DNASE1: variants seen among roughly 807,000 people sequenced by gnomAD.
DNASE1 encodes deoxyribonuclease 1.
Under a neutral mutation model 33.9 loss-of-function variants are expected in DNASE1, and 40 were observed. That is an observed-to-expected ratio of 1.18 (90% CI 0.92 to 1.54). DNASE1 has a LOEUF of 1.54. Ranked by LOEUF, DNASE1 falls within the 40% of genes most tolerant of loss-of-function variation. The pLI is 0.00. For synonymous variants in DNASE1, 216 were observed against 160.0 expected (o/e 1.35, Z -2.64); for missense variants, 518 against 372.6 (o/e 1.39, Z -3.21).
At position 3,664,215 on chromosome 16, in the gene DNASE1, G is replaced by A; in HGVS notation, c.*6262G>A. On this transcript the variant is annotated 3_prime_UTR_variant, in exon 10 of 10. Coordinates refer to the DNASE1 transcript ENST00000407479. ...GGTTCACCCAGCACAGAGCTGAGAA[G>A]GTCAAGACCCTCCCCAGGTTGCAGC... 4 of 1,469,402 alleles carry A rather than the reference G, an allele frequency of 2.7e-6. 1 individual carries two copies. Among genetic ancestry groups the A allele is most frequent in the African/African-American group, 2.8e-5 (2 of 70,504 alleles). 91.0% of individuals were successfully genotyped at this position (1,469,402 alleles called of 1,614,324 possible).
At position 3,657,900 on chromosome 16, in the gene DNASE1, C is replaced by T. The variant is rs753832821; in HGVS notation, c.802-6C>T. 6.2e-7 allele frequency: 1 copy of T among 1,614,052 alleles called. No homozygotes were observed. Among genetic ancestry groups the T allele is most frequent in the Non-Finnish European group, 8.5e-7 (1 of 1,180,020 alleles). Reference sequence around the variant, plus strand: ...CAGCCCAGACCCTGTGCCCACTTGCCTGCAGGCCCAAGCCATCAGTGACCA... The same window carrying T: ...CAGCCCAGACCCTGTGCCCACTTGCTTGCAGGCCCAAGCCATCAGTGACCA... On this transcript the variant is annotated splice_region_variant and splice_polypyrimidine_tract_variant and intron_variant, in intron 8 of 8. Coordinates refer to ENST00000246949, the MANE Select transcript of DNASE1 (RefSeq NM_005223.4).
rs745422487 is a variant in DNASE1 at position 3,657,338 on chromosome 16, A to T, written c.701A>T (p.Asp234Val). 6.2e-7 allele frequency: 1 copy of T among 1,613,016 alleles called. No individual in the cohort carries two copies. The highest frequency in any genetic ancestry group is 1.1e-5 in the South Asian group (1 of 91,090). The change falls in exon 7 of 9, where the codon GAC becomes GTC. Residue 234 changes from aspartate to valine, a missense_variant. Asp to Val is a radical substitution (Grantham distance 152). Coordinates refer to ENST00000246949, the MANE Select transcript of DNASE1 (RefSeq NM_005223.4). ...GCTACACCCACGCACTGTGCCTATG[A>T]CAGGTGAGCAGGGCCTCGCGCTTAG... ...TTATPTHCAY[D>V]RIVVAGMLLR...
chr16:3,662,758 G>C (rs752250653), downstream of DNASE1: 1 of 895,104 alleles, frequency 1.1e-6, no homozygotes, highest in African/African-American at 1.6e-5. Flanking sequence ...GTCTCCACCT[G>C]ACACCAAGGG....
chr16:3,629,596 G>A (rs1042226016), intron 1 of DNASE1, among the ~76,000 whole-genome samples: 1 of 152,142 alleles, frequency 6.6e-6, no homozygotes, highest in African/African-American at 2.4e-5. Flanking sequence ...CTGTTAGAAT[G>A]ATTTAGGAAG....
upstream of DNASE1, among the ~76,000 whole-genome samples, chr16:3,638,102 T>TGA (rs1314041767): frequency 7.4e-4 from 93 of 125,474 alleles, no homozygotes; most frequent in Non-Finnish European, 2.1e-4. Context: ...CCAGTTTTTG[T>TGA]GAGTGTGTGT....
exon 10 of DNASE1, chr16:3,663,417 T>G (rs747303544): frequency 6.2e-7 from 1 of 1,614,034 alleles, no homozygotes; most frequent in Non-Finnish European, 8.5e-7. Context: ...GAGCAGGGGA[T>G]GCCGACCTGG....
chr16:3,626,675 A>C (rs2041522747), intron 1 of DNASE1, among the ~76,000 whole-genome samples: 1 of 151,924 alleles, frequency 6.6e-6, no homozygotes, highest in African/African-American at 2.4e-5. Context: ...CAGGTTGCTG[A>C]TTTTCTGTCT....
At chr16:3,647,612 T>G (rs986201573) in intron 1 of DNASE1, among the ~76,000 whole-genome samples, 6 of 152,136 alleles carry the variant, frequency 3.9e-5, no homozygotes, top group Non-Finnish European at 8.8e-5. Context: ...ATTACACATC[T>G]TCGTGTACTC....
chr16:3,644,821 A>G (rs2042125778), intron 1 of DNASE1, among the ~76,000 whole-genome samples: 1 of 152,044 alleles, frequency 6.6e-6, no homozygotes, highest in South Asian at 2.1e-4. Flanking sequence ...GCTCTAGAAG[A>G]AAGGTCAATA....
intron 1 of DNASE1, among the ~76,000 whole-genome samples, chr16:3,648,390 G>C (rs1384543389): frequency 6.6e-6 from 1 of 152,032 alleles, no homozygotes; most frequent in African/African-American, 2.4e-5. Flanking sequence ...GTGAAATCCC[G>C]TCTCTACTAA....
upstream of DNASE1, chr16:3,653,091 TGA>T (rs1446411668): frequency 6.6e-6 from 1 of 152,256 alleles, no homozygotes; most frequent in Non-Finnish European, 1.5e-5. Flanking sequence ...TAAAGGCTGT[TGA>T]GATAAGGACA....
At chr16:3,658,701 G>C, downstream of DNASE1, 19 of 1,204,648 alleles carry the variant, frequency 1.6e-5, no homozygotes, top group Non-Finnish European at 2.2e-5. Context: ...AAAAAGACAG[G>C]ATTTTAGAGG....
chr16:3,632,530 G>A (rs2041730944), intron 1 of DNASE1, among the ~76,000 whole-genome samples: 1 of 151,420 alleles, frequency 6.6e-6, no homozygotes, highest in Non-Finnish European at 1.5e-5. Context: ...TATAGCCACT[G>A]GGACTTTCTT....
intron 1 of DNASE1, 48 bp from the exon 2 acceptor site, chr16:3,655,325 G>C: frequency 6.2e-7 from 1 of 1,611,910 alleles, no homozygotes; most frequent in Non-Finnish European, 8.5e-7. Flanking sequence ...GCTGTGGCAG[G>C]GATGACGTCT....
At chr16:3,635,007 C>G (rs1158544771) in intron 1 of DNASE1, among the ~76,000 whole-genome samples, 1 of 151,920 alleles carries the variant, frequency 6.6e-6, no homozygotes, top group East Asian at 1.9e-4. Context: ...CATTTTGATG[C>G]CAAACTTAGT....
downstream of DNASE1, chr16:3,662,741 C>T: frequency 1.3e-6 from 1 of 784,000 alleles, no homozygotes; most frequent in Admixed American, 2.0e-5. Flanking sequence ...GAGCAGGGAC[C>T]CACAGGGTCT....
chr16:3,664,844 G>C (rs3751843), exon 10 of DNASE1: 9,736 of 198,212 alleles, frequency 0.049, 317 homozygotes, highest in Admixed American at 0.061. Context: ...CACGGTTCCC[G>C]GCCCTCCTCA....
Position 3,663,359 on chromosome 16 carries a change from C to A in DNASE1, c.*5406C>A, listed in dbSNP as rs1412140046. 4 of 1,594,608 alleles carry A rather than the reference C, an allele frequency of 2.5e-6. No homozygotes were observed. The East Asian group carries it at 6.7e-5, about 27-fold the overall frequency. ...GAAAACCCAAAGGAAGCCCTCGCTG[C>A]GGGGCAGGAGAGGCGTGCGGGGAGT... On this transcript the variant is annotated 3_prime_UTR_variant, in exon 10 of 10. Transcript: ENST00000407479.
At chr16:3,642,535 G>GGGCT (rs1169844187), upstream of DNASE1, among the ~76,000 whole-genome samples, 1 of 151,860 alleles carries the variant, frequency 6.6e-6, no homozygotes, top group Non-Finnish European at 1.5e-5. Flanking sequence ...CATCCAGCAT[G>GGGCT]TTCTCCGTGA....
Sources: allele counts gnomAD v4.1 joint callset (sites outside exome capture counted in the v4.1 genomes callset), GRCh38; gene constraint gnomAD v4.1.1; transcripts MANE v1.5; gene names NCBI Gene and HGNC (gene_info 2026-07-23, HGNC 2026-07-21).